Variants in RBFOX1 observed in about 807,000 individuals in gnomAD.
RBFOX1 encodes the protein RNA binding fox-1 homolog 1.
RBFOX1 carries 8 observed loss-of-function variants against 57.7 expected under a neutral mutation model. That is an observed-to-expected ratio of 0.14 (90% CI 0.08 to 0.25). RBFOX1 has a LOEUF of 0.25. Ranked by LOEUF, RBFOX1 falls within the 10% of genes least tolerant of loss-of-function variation. The pLI, the probability that RBFOX1 is intolerant of heterozygous loss-of-function variation, is 1.00. For missense variants in RBFOX1, 611 were observed against 548.5 expected (o/e 1.11, Z -1.14); for synonymous variants, 326 against 222.4 (o/e 1.47, Z -4.15).
intron 2 of RBFOX1, among the ~76,000 whole-genome samples, chr16:6,522,154 A>AGAGTGTGT (rs929664653): frequency 7.7e-5 from 11 of 142,762 alleles, no homozygotes; most frequent in Admixed American, 2.1e-4. Context: ...GGGGACCCAC[A>AGAGTGTGT]GTGTGTGTGT....
intron 4 of RBFOX1, among the ~76,000 whole-genome samples, chr16:6,006,835 G>A (rs2094930368): frequency 6.6e-6 from 1 of 152,180 alleles, no homozygotes; most frequent in African/African-American, 2.4e-5. Context: ...ATTGTAGGAG[G>A]GAATGAGAGT....
chr16:6,347,388 G>T (rs1399441442), intron 2 of RBFOX1, among the ~76,000 whole-genome samples: 1 of 152,206 alleles, frequency 6.6e-6, no homozygotes, highest in Non-Finnish European at 1.5e-5. Context: ...AAACAGGCAT[G>T]TTCCTTTCTT....
intron 4 of RBFOX1, among the ~76,000 whole-genome samples, chr16:7,089,290 A>G (rs1232593468): frequency 1.3e-5 from 2 of 152,354 alleles, no homozygotes; most frequent in East Asian, 3.9e-4. Context: ...TTAAAACTGC[A>G]TGAACTTAAT....
intron 4 of RBFOX1, among the ~76,000 whole-genome samples, chr16:7,292,682 T>C (rs1005867910): frequency 1.3e-5 from 2 of 151,822 alleles, no homozygotes; most frequent in Non-Finnish European, 2.9e-5. Flanking sequence ...AACGCTACAA[T>C]ACATGTGCAT....
intron 3 of RBFOX1, among the ~76,000 whole-genome samples, chr16:5,615,143 T>A (rs1186039196): frequency 2.0e-5 from 3 of 152,180 alleles, no homozygotes; most frequent in African/African-American, 7.2e-5. Context: ...TAAGTGATAT[T>A]TCCATCCCAG....
chr16:7,542,812 G>GA (rs35350157), intron 5 of RBFOX1, among the ~76,000 whole-genome samples: 111,883 of 146,716 alleles, frequency 0.76, 43,268 homozygotes, highest in Non-Finnish European at 0.83. Context: ...ACTGTCTGAG[G>GA]AAAAAAAAAA....
chr16:5,317,886 C>T (rs2064285833), intron 1 of RBFOX1, among the ~76,000 whole-genome samples: 1 of 152,100 alleles, frequency 6.6e-6, no homozygotes, highest in Admixed American at 6.5e-5. Flanking sequence ...AAATTTTTAT[C>T]ATCTTCCTAA....
intron 3 of RBFOX1, among the ~76,000 whole-genome samples, chr16:6,815,180 G>A (rs7204262): frequency 1.3e-5 from 2 of 151,940 alleles, no homozygotes; most frequent in African/African-American, 4.8e-5. Flanking sequence ...GAGTGCTGTT[G>A]AGCATGCAAG....
chr16:7,696,743 A>T (rs1452177873), intron 14 of RBFOX1, among the ~76,000 whole-genome samples: 1 of 152,184 alleles, frequency 6.6e-6, no homozygotes, highest in East Asian at 1.9e-4. Context: ...GTAATGAATC[A>T]AAAAGCAGGG....
At chr16:7,239,560 C>A (rs936290740) in intron 4 of RBFOX1, among the ~76,000 whole-genome samples, 12 of 152,064 alleles carry the variant, frequency 7.9e-5, no homozygotes, top group African/African-American at 2.9e-4. Context: ...GTGAAATTGT[C>A]CTGTCAAGAC....
At chr16:7,364,464 A>G (rs1328159204) in intron 4 of RBFOX1, among the ~76,000 whole-genome samples, 1 of 151,942 alleles carries the variant, frequency 6.6e-6, no homozygotes, top group Non-Finnish European at 1.5e-5. Flanking sequence ...TATTAGCAGT[A>G]TCAGGTTGGG....
intron 4 of RBFOX1, among the ~76,000 whole-genome samples, chr16:7,364,648 A>G (rs1451888809): frequency 2.0e-5 from 3 of 151,794 alleles, no homozygotes; most frequent in Non-Finnish European, 4.4e-5. Context: ...GGCTGGCTGT[A>G]GAATGAATGC....
At chr16:7,108,143 A>G (rs2063946608) in intron 4 of RBFOX1, among the ~76,000 whole-genome samples, 2 of 152,098 alleles carry the variant, frequency 1.3e-5, no homozygotes, top group South Asian at 4.1e-4. Flanking sequence ...AACAAAATAC[A>G]TTTCAGGAAA....
chr16:6,150,347 G>C (rs1344023791), intron 1 of RBFOX1, among the ~76,000 whole-genome samples: 1 of 152,136 alleles, frequency 6.6e-6, no homozygotes, highest in Non-Finnish European at 1.5e-5. Flanking sequence ...GGGCCTGGCA[G>C]AGAACCAGGA....
chr16:6,162,054 A>G (rs776922297), intron 1 of RBFOX1, among the ~76,000 whole-genome samples: 13 of 152,226 alleles, frequency 8.5e-5, no homozygotes, highest in Non-Finnish European at 1.6e-4. Context: ...AGGAAAGAAA[A>G]CGCCTTTTCT....
chr16:7,333,552 C>T (rs1031833855), intron 4 of RBFOX1, among the ~76,000 whole-genome samples: 8 of 152,178 alleles, frequency 5.3e-5, no homozygotes, highest in Admixed American at 6.5e-5. Flanking sequence ...AGAAGGCTCT[C>T]CCCACCTGAA....
intron 3 of RBFOX1, among the ~76,000 whole-genome samples, chr16:6,836,122 C>T (rs573686947): frequency 1.3e-5 from 2 of 152,280 alleles, no homozygotes; most frequent in South Asian, 4.1e-4. Flanking sequence ...CATTCCTTTT[C>T]TACAATTTAT....
chr16:5,690,826 C>A (rs1222132760), intron 3 of RBFOX1, among the ~76,000 whole-genome samples: 1 of 152,158 alleles, frequency 6.6e-6, no homozygotes, highest in Admixed American at 6.5e-5. Flanking sequence ...CTGATGAGTA[C>A]AGAGTGTACT....
At chr16:5,532,640 G>T (rs1175514110) in intron 2 of RBFOX1, among the ~76,000 whole-genome samples, 1 of 152,232 alleles carries the variant, frequency 6.6e-6, no homozygotes, top group East Asian at 1.9e-4. Flanking sequence ...GAGGTTCTTT[G>T]CTGAAGATTC....
Sources: gnomAD v4.1 joint callset for allele counts (sites outside exome capture counted in the v4.1 genomes callset) on GRCh38, gnomAD v4.1.1 for gene constraint, MANE v1.5 for transcripts, NCBI Gene and HGNC (gene_info 2026-07-23, HGNC 2026-07-21) for gene names.